Variants in KCNMA1 observed in about 807,000 individuals in gnomAD.
KCNMA1 encodes potassium calcium-activated channel subfamily M alpha 1.
In KCNMA1, 29 loss-of-function variants were observed where a neutral mutation model predicts 140.0. That is an observed-to-expected ratio of 0.21 (90% CI 0.15 to 0.28). KCNMA1 has a LOEUF of 0.28. Ranked by LOEUF, KCNMA1 falls within the 10% of genes least tolerant of loss-of-function variation. The probability of loss-of-function intolerance (pLI) is 1.00; values close to 1 mark genes in which losing one functional copy is unlikely to be tolerated. For synonymous variants in KCNMA1, 612 were observed against 611.9 expected, an observed-to-expected ratio of 1.00 and a Z score of 0.00; for missense variants, 880 against 1,602.2, an observed-to-expected ratio of 0.55 and a Z score of 7.70.
At chr10:77,038,379 A>T (rs537475154) in intron 15 of KCNMA1, among the ~76,000 whole-genome samples, 1 of 152,266 alleles carries the variant, frequency 6.6e-6, no homozygotes, top group Non-Finnish European at 1.5e-5. Flanking sequence ...TCCTCAGCCC[A>T]GTGAGCTCCC....
intron 19 of KCNMA1, among the ~76,000 whole-genome samples, chr10:76,992,029 A>G (rs2082914541): frequency 6.6e-6 from 1 of 152,194 alleles, no homozygotes. Flanking sequence ...CTGCCTCAAA[A>G]GATTCCATTT....
chr10:77,405,925 G>A (rs573472794), intron 1 of KCNMA1, among the ~76,000 whole-genome samples: 10 of 152,292 alleles, frequency 6.6e-5, no homozygotes, highest in Admixed American at 2.0e-4. Context: ...AGCTGGTCCC[G>A]ATTCCTGCTT....
intron 5 of KCNMA1, among the ~76,000 whole-genome samples, chr10:77,137,634 G>C (rs2098074992): frequency 6.6e-6 from 1 of 152,140 alleles, no homozygotes; most frequent in African/African-American, 2.4e-5. Flanking sequence ...TTCCCAGCTG[G>C]AGAAAAAGGA....
chr10:76,940,960 C>CGAAAGAAA lies in KCNMA1; in HGVS notation c.2902+3805_2902+3812dup, dbSNP rs149461756. On this transcript the variant is annotated intron_variant, in intron 23 of 27. Coordinates refer to ENST00000286628, the MANE Select transcript of KCNMA1 (RefSeq NM_001161352.2). ...TGGGCAACAGAGAGAGACTCTACCT[C>CGAAAGAAA]GAAAGAAAGAAAGAAAGAAAGAGAG... 1.0e-3 allele frequency among the ~76,000 whole-genome samples: 122 copies of CGAAAGAAA among 118,228 alleles called. 2 individuals are homozygous for CGAAAGAAA. The highest frequency in any genetic ancestry group is 3.5e-3 in the African/African-American group (107 of 30,322). 77.6% of individuals were successfully genotyped at this position (118,228 alleles called of 152,430 possible). A position where few individuals can be genotyped will look rare whatever the true frequency, so the allele number is the denominator to read the frequency against.
intron 2 of KCNMA1, among the ~76,000 whole-genome samples, chr10:77,334,345 A>T (rs143823355): frequency 6.6e-6 from 1 of 152,332 alleles, no homozygotes; most frequent in East Asian, 1.9e-4. Context: ...TGTTCTGTGT[A>T]TCAAGGGTCT....
At chr10:77,043,035 T>C (rs1298581245) in intron 14 of KCNMA1, among the ~76,000 whole-genome samples, 1 of 152,214 alleles carries the variant, frequency 6.6e-6, no homozygotes, top group Non-Finnish European at 1.5e-5. Context: ...TTCCATATCT[T>C]TTTTCCTGCA....
intron 2 of KCNMA1, among the ~76,000 whole-genome samples, chr10:77,294,460 G>T (rs1180994769): frequency 6.6e-6 from 1 of 152,180 alleles, no homozygotes; most frequent in African/African-American, 2.4e-5. Flanking sequence ...ATCTTGGAAG[G>T]CAATGCAGCA....
At chr10:77,348,087 A>C (rs2154382779) in intron 2 of KCNMA1, among the ~76,000 whole-genome samples, 1 of 152,330 alleles carries the variant, frequency 6.6e-6, no homozygotes, top group Non-Finnish European at 1.5e-5. Flanking sequence ...CATAGAAACA[A>C]GCATTTTAGT....
intron 1 of KCNMA1, 123 bp downstream of exon 1, chr10:77,637,142 G>T: frequency 1.6e-6 from 2 of 1,245,874 alleles, no homozygotes; most frequent in South Asian, 3.1e-5. Context: ...GGAAGGCGGC[G>T]AGGGGAAGGC....
chr10:76,886,984 C>G lies in KCNMA1; in HGVS notation c.*282G>C, dbSNP rs201221365. The G allele has an allele frequency of 1.6e-5, 20 of 1,268,020 alleles. No individual in the cohort carries two copies. Among genetic ancestry groups the G allele is most frequent in the Non-Finnish European group, 2.0e-5 (20 of 994,374 alleles). 78.5% of individuals were successfully genotyped at this position (1,268,020 alleles called of 1,614,324 possible). On this transcript the variant is annotated 3_prime_UTR_variant, in exon 28 of 28. Transcript: ENST00000286628. ...CTCCCTTCTAATCTGTGAACTCGTT[C>G]CTGCAGTGAGCTATTTATGTCTGGA... is the stretch of plus-strand genomic sequence containing the variant.
intron 5 of KCNMA1, among the ~76,000 whole-genome samples, chr10:77,130,240 AT>A (rs1415135398): frequency 6.6e-6 from 1 of 152,172 alleles, no homozygotes; most frequent in East Asian, 1.9e-4. Context: ...TCACACAACC[AT>A]TCTGTTTTTC....
intron 2 of KCNMA1, among the ~76,000 whole-genome samples, chr10:77,338,530 C>A (rs1048482173): frequency 6.6e-6 from 1 of 152,186 alleles, no homozygotes; most frequent in Non-Finnish European, 1.5e-5. Flanking sequence ...GGTGCTGCCT[C>A]CCCTTCTCAT....
chr10:77,457,267 G>T (rs2097776283), intron 1 of KCNMA1, among the ~76,000 whole-genome samples: 1 of 152,156 alleles, frequency 6.6e-6, no homozygotes, highest in African/African-American at 2.4e-5. Context: ...TTCTAGGGAA[G>T]TTTGTTCTAT....
chr10:77,183,072 G>A (rs921410937), intron 5 of KCNMA1, among the ~76,000 whole-genome samples: 1 of 152,154 alleles, frequency 6.6e-6, no homozygotes, highest in Non-Finnish European at 1.5e-5. Flanking sequence ...CCAGCCACTC[G>A]GAAAGTTGGC....
At chr10:77,512,074 C>T (rs1407141510) in intron 1 of KCNMA1, among the ~76,000 whole-genome samples, 1 of 152,170 alleles carries the variant, frequency 6.6e-6, no homozygotes, top group South Asian at 2.1e-4. Flanking sequence ...GTATGTTATC[C>T]GGGCATGAAG....
At chr10:76,910,187 GAA>G in intron 24 of KCNMA1, 91 bp from the exon 25 acceptor site, 1 of 1,434,020 alleles carries the variant, frequency 7.0e-7, no homozygotes, top group Non-Finnish European at 9.7e-7. Flanking sequence ...TAGAAATACT[GAA>G]GTCATTGAGA....
intron 23 of KCNMA1, among the ~76,000 whole-genome samples, chr10:76,933,355 T>C (rs1302281840): frequency 6.6e-6 from 1 of 152,220 alleles, no homozygotes; most frequent in Non-Finnish European, 1.5e-5. Context: ...TTTCTGGCAG[T>C]TGGCGAGCAT....
chr10:76,938,827 G>A (rs1015187376), intron 23 of KCNMA1, among the ~76,000 whole-genome samples: 5 of 151,838 alleles, frequency 3.3e-5, no homozygotes, highest in African/African-American at 4.8e-5. Context: ...ACTTCCATTC[G>A]CTCCGTCTCA....
chr10:77,288,452 G>A (rs1014071060), intron 2 of KCNMA1, among the ~76,000 whole-genome samples: 11 of 152,158 alleles, frequency 7.2e-5, no homozygotes, highest in African/African-American at 1.9e-4. Context: ...AGAGGTGGCC[G>A]AATATAGAAT....
Sources: allele counts gnomAD v4.1 joint callset (sites outside exome capture counted in the v4.1 genomes callset), GRCh38; gene constraint gnomAD v4.1.1; transcripts MANE v1.5; gene names NCBI Gene and HGNC (gene_info 2026-07-23, HGNC 2026-07-21).